ADAM12: variants seen among roughly 807,000 people sequenced by gnomAD.
ADAM12 encodes the protein ADAM metallopeptidase domain 12, also known as disintegrin and metalloproteinase domain-containing protein 12.
Under a neutral mutation model 106.4 loss-of-function variants are expected in ADAM12, and 70 were observed. The ratio of observed to expected loss-of-function variants is 0.66; its 90% CI spans 0.54 to 0.80. ADAM12 has a LOEUF of 0.80. ADAM12 is among the 30% of genes least tolerant of loss of function. ADAM12 has a pLI of 0.00. For missense variants in ADAM12, 1,010 were observed against 1,171.9 expected (o/e 0.86, Z 2.02); for synonymous variants, 420 against 433.5 (o/e 0.97, Z 0.39).
intron 21 of ADAM12, among the ~76,000 whole-genome samples, chr10:126,030,840 G>A (rs1236980869): frequency 2.6e-5 from 4 of 152,206 alleles, no homozygotes; most frequent in African/African-American, 7.2e-5. Context: ...TTTACAGGGG[G>A]AATGGACTCA....
At chr10:126,098,607 A>G in intron 9 of ADAM12, 107 bp from the exon 10 acceptor site, 1 of 944,996 alleles carries the variant, frequency 1.1e-6, no homozygotes, top group East Asian at 2.5e-5. Flanking sequence ...GCAAAAATAA[A>G]AATAGCTGTA....
At chr10:126,350,740 T>C (rs1855321536) in intron 1 of ADAM12, among the ~76,000 whole-genome samples, 2 of 152,230 alleles carry the variant, frequency 1.3e-5, no homozygotes, top group Admixed American at 6.5e-5. Flanking sequence ...GGAAGTTTGA[T>C]TCATCCCATT....
intron 22 of ADAM12, among the ~76,000 whole-genome samples, chr10:126,017,875 A>G (rs909485097): frequency 2.0e-5 from 3 of 152,246 alleles, no homozygotes; most frequent in South Asian, 2.1e-4. Flanking sequence ...GCAACTGACC[A>G]GAGGTAAGAT....
At chr10:126,321,576 A>G (rs1397155311) in intron 2 of ADAM12, among the ~76,000 whole-genome samples, 3 of 152,142 alleles carry the variant, frequency 2.0e-5, no homozygotes, top group East Asian at 3.9e-4. Flanking sequence ...TGTGTTGGCC[A>G]AAAAGGAGGA....
At position 126,149,000 on chromosome 10, in the gene ADAM12, C is replaced by A. The variant is rs375795765; in HGVS notation, c.339+6227G>T. Among the ~76,000 whole-genome samples, 6 of 152,270 alleles carry A rather than the reference C, an allele frequency of 3.9e-5. No individual in the cohort carries two copies. The South Asian group carries it at 1.0e-3, about 26-fold the overall frequency. On this transcript the variant is annotated intron_variant, in intron 4 of 22. Coordinates refer to ENST00000448723, the MANE Select transcript of ADAM12 (RefSeq NM_001288973.2). Reference sequence around the variant, plus strand: ...GGGCTGCCCAACACAGGGGCTGCAGCCACTCCCCAGTTAGCAGGGACCAGG... The same window carrying A: ...GGGCTGCCCAACACAGGGGCTGCAGACACTCCCCAGTTAGCAGGGACCAGG...
At chr10:126,080,764 T>TA (rs1204292089) in intron 11 of ADAM12, among the ~76,000 whole-genome samples, 1 of 152,170 alleles carries the variant, frequency 6.6e-6, no homozygotes, top group African/African-American at 2.4e-5. Context: ...ACACCACTTT[T>TA]AAAAAGAGGA....
At chr10:126,280,066 TATA>T (rs1466514240) in intron 2 of ADAM12, among the ~76,000 whole-genome samples, 3 of 152,222 alleles carry the variant, frequency 2.0e-5, no homozygotes, top group African/African-American at 4.8e-5. Flanking sequence ...TCACAATATA[TATA>T]ATGTTTCAGC....
At chr10:126,327,181 C>T (rs958835932) in intron 2 of ADAM12, among the ~76,000 whole-genome samples, 2 of 152,142 alleles carry the variant, frequency 1.3e-5, no homozygotes, top group African/African-American at 4.8e-5. Context: ...GGTCACAGAG[C>T]GACGTGCCTT....
In ADAM12 at chr10:126,246,003, TGAC is replaced by T. The variant is rs1590674510; in HGVS notation, c.260+32909_260+32911del. Among the ~76,000 whole-genome samples, 3 of 152,186 alleles carry T rather than the reference TGAC, an allele frequency of 2.0e-5. No individual in the cohort carries two copies. The East Asian group carries it at 5.8e-4, about 29-fold the overall frequency. On this transcript the variant is annotated intron_variant, in intron 3 of 22. Coordinates refer to ENST00000448723, the MANE Select transcript of ADAM12 (RefSeq NM_001288973.2). ...AGAAAGACAGAGAAAATAGTTGGAT[TGAC>T]CTTTTAAAAAATGGTGGAGACATCA...
chr10:126,025,107 A>G (rs1285436278), intron 21 of ADAM12, among the ~76,000 whole-genome samples: 1 of 152,118 alleles, frequency 6.6e-6, no homozygotes, highest in Non-Finnish European at 1.5e-5. Context: ...CAACACAAAA[A>G]CACTGAAAAC....
chr10:126,224,767 G>C (rs1194790404), intron 3 of ADAM12, among the ~76,000 whole-genome samples: 1 of 152,240 alleles, frequency 6.6e-6, no homozygotes, highest in Non-Finnish European at 1.5e-5. Flanking sequence ...AACGTCTGTT[G>C]CCACCTACAA....
At position 126,117,888 on chromosome 10, in the gene ADAM12, A is replaced by T; in HGVS notation, c.603+150T>A. On this transcript the variant is annotated intron_variant, in intron 6 of 22. Coordinates refer to ENST00000448723, the MANE Select transcript of ADAM12 (RefSeq NM_001288973.2). ...GCTTATGGTTGTGTCCCACTGTATA[A>T]TGTCTACCACCTCCAGATAAACTGG... The T allele has an allele frequency of 2.0e-5, 3 of 150,688 alleles. 1 individual carries two copies. The highest frequency in any genetic ancestry group is 3.3e-5 in the Non-Finnish European group (3 of 90,196). The allele number at this position is 150,688 out of a possible 1,614,324, so 9.3% of individuals were successfully genotyped here. A position where few individuals can be genotyped will look rare whatever the true frequency, so the allele number is the denominator to read the frequency against.
Position 126,049,781 on chromosome 10 carries a change from A to G in ADAM12, c.1610-112T>C, listed in dbSNP as rs1222164523. 1.0e-6 allele frequency: 1 copy of G among 954,146 alleles called. No individual in the cohort carries two copies. Among genetic ancestry groups the G allele is most frequent in the African/African-American group, 1.7e-5 (1 of 60,288 alleles). The allele number at this position is 954,146 out of a possible 1,614,324, so 59.1% of individuals were successfully genotyped here. ...AGACGTGCTCAAAGCAATCACACCC[A>G]GTGTCTGTCCCGACTCATGGTGGGA... On this transcript the variant is annotated intron_variant, in intron 14 of 22. Transcript: ENST00000448723. The surrounding 1 kb of genome is among the most constrained non-coding windows in gnomAD (Gnocchi z 4.4).
intron 3 of ADAM12, among the ~76,000 whole-genome samples, chr10:126,201,957 A>G (rs888383522): frequency 1.3e-5 from 2 of 152,234 alleles, no homozygotes; most frequent in South Asian, 2.1e-4. Context: ...AAGAACGTCC[A>G]GGGAAAGAAT....
chr10:126,142,161 G>A lies in ADAM12; in HGVS notation c.340-6501C>T, dbSNP rs889555931. Among the ~76,000 whole-genome samples the A allele has an allele frequency of 4.6e-5, 7 of 152,244 alleles. No individual in the cohort carries two copies. In the Middle Eastern group the frequency reaches 0.017, roughly 370 times the overall value. On this transcript the variant is annotated intron_variant, in intron 4 of 22. Coordinates refer to ENST00000448723, the MANE Select transcript of ADAM12 (RefSeq NM_001288973.2). Reference sequence around the variant, plus strand: ...TCTTTTAGAAAAGAAAAGCTGCCGAGACCAGCTCGGTCAGGGAGACCCTAA... The same window carrying A: ...TCTTTTAGAAAAGAAAAGCTGCCGAAACCAGCTCGGTCAGGGAGACCCTAA...
chr10:126,125,256 T>A (rs545866702), intron 5 of ADAM12, among the ~76,000 whole-genome samples: 1 of 150,254 alleles, frequency 6.7e-6, no homozygotes, highest in South Asian at 2.1e-4. Context: ...TTTCTTTTTT[T>A]TTTTTTTGAA....
In ADAM12 at chr10:126,036,167, C is replaced by T; in HGVS notation, c.2508G>A (p.Lys836=). ...PSVPARPLPA[K]PALRQAQGTC... Reference sequence around the variant, plus strand: ...ATACCTGGGCCTGCCTAAGTGCAGGCTTGGCTGGCAGGGGTCTGGCAGGGA... The same window carrying T: ...ATACCTGGGCCTGCCTAAGTGCAGGTTTGGCTGGCAGGGGTCTGGCAGGGA... The change falls in exon 21 of 23, where the codon AAG becomes AAA. Residue 836 remains lysine (K), a synonymous_variant. Transcript: ENST00000448723. 1 of 1,494,330 alleles carries T rather than the reference C, an allele frequency of 6.7e-7. No homozygotes were observed. Among genetic ancestry groups the T allele is most frequent in the Non-Finnish European group, 8.9e-7 (1 of 1,126,390 alleles). The allele number at this position is 1,494,330 out of a possible 1,614,324, so 92.6% of individuals were successfully genotyped here. A position where few individuals can be genotyped will look rare whatever the true frequency, so the allele number is the denominator to read the frequency against.
intron 3 of ADAM12, among the ~76,000 whole-genome samples, chr10:126,277,366 C>T (rs1959312683): frequency 2.0e-5 from 3 of 152,062 alleles, no homozygotes; most frequent in Non-Finnish European, 4.4e-5. Flanking sequence ...ATGCTGTGCA[C>T]CACGTTTCTT....
At chr10:126,336,360 C>A (rs1423030251) in intron 1 of ADAM12, among the ~76,000 whole-genome samples, 1 of 152,136 alleles carries the variant, frequency 6.6e-6, no homozygotes, top group Non-Finnish European at 1.5e-5. Flanking sequence ...TCAAAAGGCT[C>A]AGGGATGACT....
Sources: allele counts gnomAD v4.1 joint callset (sites outside exome capture counted in the v4.1 genomes callset), GRCh38; gene constraint gnomAD v4.1.1; non-coding constraint Gnocchi (gnomAD v3.1); transcripts MANE v1.5; gene names NCBI Gene and HGNC (gene_info 2026-07-23, HGNC 2026-07-21).